The following GABBR2 variants were observed in gnomAD, a reference collection of about 807,000 sequenced individuals.
GABBR2 encodes the protein G-protein coupled receptor 51.
In GABBR2, 23 loss-of-function variants were observed where a neutral mutation model predicts 105.6. That is an observed-to-expected ratio of 0.22 (90% CI 0.16 to 0.31). The LOEUF (loss-of-function observed/expected upper bound fraction) is 0.31, where lower values mean the gene tolerates loss of function less well. GABBR2 is among the 10% of genes least tolerant of loss of function. The pLI, the probability that GABBR2 is intolerant of heterozygous loss-of-function variation, is 1.00. For missense variants in GABBR2, 734 were observed against 1,245.5 expected (o/e 0.59, Z 6.18); for synonymous variants, 478 against 499.7 (o/e 0.96, Z 0.58).
intron 13 of GABBR2, among the ~76,000 whole-genome samples, chr9:98,339,960 T>C (rs144682373): frequency 0.014 from 2,139 of 152,184 alleles, 23 homozygotes; most frequent in Non-Finnish European, 0.02. Context: ...AACTCGGGCA[T>C]GGACATATGA....
At chr9:98,390,863 A>G (rs1832167703) in intron 9 of GABBR2, among the ~76,000 whole-genome samples, 1 of 152,140 alleles carries the variant, frequency 6.6e-6, no homozygotes, top group African/African-American at 2.4e-5. Flanking sequence ...AACTCCAGAA[A>G]ATTGACAATA....
chr9:98,341,143 T>C (rs773120604), intron 13 of GABBR2, among the ~76,000 whole-genome samples: 5 of 152,212 alleles, frequency 3.3e-5, no homozygotes, highest in Non-Finnish European at 7.3e-5. Flanking sequence ...ACAAGGAAGA[T>C]GAAATCAACT....
chr9:98,607,043 C>T, intron 1 of GABBR2: 1 of 1,344,912 alleles, frequency 7.4e-7, no homozygotes. Flanking sequence ...TTGCCAATCT[C>T]CCAAACCAAG....
chr9:98,600,660 A>G (rs1191860878), intron 1 of GABBR2, among the ~76,000 whole-genome samples: 3 of 152,248 alleles, frequency 2.0e-5, no homozygotes, highest in Non-Finnish European at 4.4e-5. Flanking sequence ...TCATGTTAGT[A>G]TCAACGTTCA....
chr9:98,364,972 C>T (rs1053751574), intron 12 of GABBR2, among the ~76,000 whole-genome samples: 3 of 152,160 alleles, frequency 2.0e-5, no homozygotes, highest in African/African-American at 7.2e-5. Context: ...TTCCTTGATA[C>T]CTGTGTGACC....
chr9:98,378,742 G>C (rs1275278630), intron 11 of GABBR2, among the ~76,000 whole-genome samples: 1 of 152,196 alleles, frequency 6.6e-6, no homozygotes, highest in Non-Finnish European at 1.5e-5. Context: ...AAGGGGAGGA[G>C]GGTTGGGGCA....
At chr9:98,633,099 A>C (rs1829835221) in intron 1 of GABBR2, among the ~76,000 whole-genome samples, 1 of 152,182 alleles carries the variant, frequency 6.6e-6, no homozygotes, top group South Asian at 2.1e-4. Context: ...AATTTCAAGG[A>C]ACAAAAGTGA....
At chr9:98,481,536 C>A (rs1479144962) in intron 4 of GABBR2, among the ~76,000 whole-genome samples, 1 of 152,164 alleles carries the variant, frequency 6.6e-6, no homozygotes, top group Non-Finnish European at 1.5e-5. Flanking sequence ...ATTCCTGGAG[C>A]CTACAGAGCT....
At chr9:98,652,135 A>G (rs1280957248) in intron 1 of GABBR2, among the ~76,000 whole-genome samples, 1 of 152,206 alleles carries the variant, frequency 6.6e-6, no homozygotes, top group African/African-American at 2.4e-5. Context: ...TTATTATCAT[A>G]TGTATCATAG....
intron 13 of GABBR2, among the ~76,000 whole-genome samples, chr9:98,361,238 C>T (rs535331884): frequency 4.1e-4 from 62 of 152,188 alleles, no homozygotes; most frequent in African/African-American, 1.4e-3. Flanking sequence ...GCTAGGTAAC[C>T]TTGGGTAAGT....
intron 1 of GABBR2, among the ~76,000 whole-genome samples, chr9:98,707,862 G>A (rs1030002758): frequency 6.6e-6 from 1 of 152,238 alleles, no homozygotes; most frequent in Non-Finnish European, 1.5e-5. Flanking sequence ...CGCGGAGCGG[G>A]CTCAGAGCTG....
chr9:98,301,074 T>G (rs925257291), intron 16 of GABBR2, among the ~76,000 whole-genome samples: 1 of 152,198 alleles, frequency 6.6e-6, no homozygotes, highest in Non-Finnish European at 1.5e-5. Flanking sequence ...TCTTCATTCA[T>G]GTCCTTGGTA....
At chr9:98,429,076 G>C (rs59974967) in intron 7 of GABBR2, among the ~76,000 whole-genome samples, 2,538 of 151,860 alleles carry the variant, frequency 0.017, 39 homozygotes, top group Middle Eastern at 0.024. Flanking sequence ...ATGGCAACCA[G>C]TTCATTTTAT....
intron 4 of GABBR2, among the ~76,000 whole-genome samples, chr9:98,495,527 C>T (rs537177257): frequency 3.4e-4 from 52 of 152,294 alleles, no homozygotes; most frequent in African/African-American, 1.3e-3. Flanking sequence ...CTAAGCTTGG[C>T]ATTCAAGGCT....
At chr9:98,376,547 C>G (rs1434143125) in intron 11 of GABBR2, among the ~76,000 whole-genome samples, 6 of 145,384 alleles carry the variant, frequency 4.1e-5, no homozygotes, top group Non-Finnish European at 7.4e-5. Flanking sequence ...CAGAGCGCCC[C>G]AAAGCAAGCC....
chr9:98,565,685 C>T (rs1828742091), intron 2 of GABBR2, among the ~76,000 whole-genome samples: 1 of 152,174 alleles, frequency 6.6e-6, no homozygotes, highest in Non-Finnish European at 1.5e-5. Flanking sequence ...AATGCACCAG[C>T]ACCCAGGGTC....
At chr9:98,348,871 A>G (rs1831344253) in intron 13 of GABBR2, among the ~76,000 whole-genome samples, 1 of 152,180 alleles carries the variant, frequency 6.6e-6, no homozygotes, top group South Asian at 2.1e-4. Context: ...TCATCTGCAA[A>G]GAGGAACAAT....
chr9:98,428,777 G>T (rs531290763), intron 7 of GABBR2, among the ~76,000 whole-genome samples: 1 of 152,102 alleles, frequency 6.6e-6, no homozygotes, highest in Non-Finnish European at 1.5e-5. Flanking sequence ...TTTTTTGCTG[G>T]ACTTGGTGCT....
At chr9:98,559,337 C>T (rs1485199363) in intron 2 of GABBR2, among the ~76,000 whole-genome samples, 1 of 152,168 alleles carries the variant, frequency 6.6e-6, no homozygotes, top group Non-Finnish European at 1.5e-5. Flanking sequence ...GCCATGTTGG[C>T]CAGGCTGGTC....
Sources: gnomAD v4.1 joint callset for allele counts (sites outside exome capture counted in the v4.1 genomes callset) on GRCh38, gnomAD v4.1.1 for gene constraint, MANE v1.5 for transcripts, NCBI Gene and HGNC (gene_info 2026-07-23, HGNC 2026-07-21) for gene names.